TJP1: variants seen among roughly 807,000 people sequenced by gnomAD.
The protein encoded by TJP1 is tight junction protein 1.
In TJP1, 43 loss-of-function variants were observed where a neutral mutation model predicts 194.2. That is an observed-to-expected ratio of 0.22 (90% CI 0.17 to 0.29). The LOEUF (loss-of-function observed/expected upper bound fraction) is 0.29. Ranked by LOEUF, TJP1 falls within the 10% of genes least tolerant of loss-of-function variation. TJP1 has a pLI of 1.00. For missense variants in TJP1, 1,971 were observed against 2,185.7 expected (o/e 0.90, Z 1.96); for synonymous variants, 801 against 779.0 (o/e 1.03, Z -0.47).
In TJP1 at chr15:29,701,589, CAA is replaced by C; in HGVS notation, c.*4_*5del. 10 of 1,607,090 alleles carry C rather than the reference CAA, an allele frequency of 6.2e-6. No individual in the cohort carries two copies. The highest frequency in any genetic ancestry group is 5.1e-6 in the Non-Finnish European group (6 of 1,174,012). On this transcript the variant is annotated 3_prime_UTR_variant, in exon 28 of 28. Coordinates refer to ENST00000614355, the MANE Select transcript of TJP1 (RefSeq NM_001330239.4). ...TCACATTATTTAAGTTCCTATATTT[CAA>C]GAGTTAAAAGTGGTCAATAAGGACA...
At chr15:29,869,947 T>G (rs990962126) in intron 2 of TJP1, among the ~76,000 whole-genome samples, 3 of 151,610 alleles carry the variant, frequency 2.0e-5, no homozygotes, top group Non-Finnish European at 2.9e-5. Flanking sequence ...GGTGGGATTA[T>G]AAGTGCCCAC....
chr15:29,701,619 AAC>A lies in TJP1; in HGVS notation c.5281_5282del (p.Val1761PhefsTer5). The stretch of plus-strand genomic sequence containing the variant: ...GTTAAAAGTGGTCAATAAGGACAGA[AAC>A]ACAGTTTGCTCCAACGAGATAATTT... The part of the protein sequence containing the change: ...DPNYLVGANC[V>X]SVLIDHF On this transcript the variant is annotated frameshift_variant, in exon 28 of 28. Transcript: ENST00000614355. LOFTEE classifies it high-confidence loss of function. 6.2e-7 allele frequency: 1 copy of A among 1,614,126 alleles called. No homozygotes were observed. Among genetic ancestry groups the A allele is most frequent in the Non-Finnish European group, 8.5e-7 (1 of 1,179,980 alleles).
At chr15:29,893,653 G>C (rs1189877922) in intron 2 of TJP1, among the ~76,000 whole-genome samples, 2 of 152,024 alleles carry the variant, frequency 1.3e-5, no homozygotes, top group East Asian at 3.9e-4. Flanking sequence ...ATAATCACTA[G>C]CATTTTTAAC....
chr15:29,783,937 C>T (rs541291314), intron 2 of TJP1, among the ~76,000 whole-genome samples: 1 of 151,912 alleles, frequency 6.6e-6, no homozygotes, highest in South Asian at 2.1e-4. Context: ...TACACATGTA[C>T]CCTGAACCTA....
chr15:29,866,938 CACTCAGAAAGAT>C (rs781070640), intron 2 of TJP1, among the ~76,000 whole-genome samples: 5 of 152,164 alleles, frequency 3.3e-5, no homozygotes, highest in Non-Finnish European at 5.9e-5. Flanking sequence ...TCACCCTGAG[CACTCAGAAAGAT>C]ACTCAGACTG....
At chr15:29,741,081 T>C in intron 10 of TJP1, 1 of 249,908 alleles carries the variant, frequency 4.0e-6, no homozygotes, top group Non-Finnish European at 7.5e-6. Flanking sequence ...TTTTTTTTTC[T>C]AATTCCTAAT....
chr15:29,819,125 AT>A (rs2050148853), intron 1 of TJP1, among the ~76,000 whole-genome samples: 1 of 152,154 alleles, frequency 6.6e-6, no homozygotes, highest in South Asian at 2.1e-4. Context: ...GTACATACAT[AT>A]TTTTAAGTAG....
intron 11 of TJP1, among the ~76,000 whole-genome samples, chr15:29,735,675 T>C (rs957407519): frequency 4.0e-5 from 6 of 150,266 alleles, no homozygotes; most frequent in African/African-American, 1.5e-4. Flanking sequence ...GGTAAGAAAA[T>C]AGGTCTCTTT....
At chr15:29,759,952 G>T in intron 8 of TJP1, 1 of 437,262 alleles carries the variant, frequency 2.3e-6, no homozygotes, top group East Asian at 3.6e-5. Context: ...TCGAGACAGT[G>T]ATTTCATTTC....
rs749742657 is a variant in TJP1, at chr15:29,968,660, G to C, written c.173+7C>G. 5.0e-4 allele frequency: 519 copies of C among 1,047,338 alleles called. 1 individual carries two copies. Among genetic ancestry groups the C allele is most frequent in the Non-Finnish European group, 5.5e-4 (477 of 860,698 alleles). 64.9% of individuals were successfully genotyped at this position (1,047,338 alleles called of 1,614,324 possible). A position where few individuals can be genotyped will look rare whatever the true frequency, so the allele number is the denominator to read the frequency against. On this transcript the variant is annotated splice_region_variant and intron_variant, in intron 1 of 28. Transcript: ENST00000356107. The stretch of plus-strand genomic sequence containing the variant: ...GCTGGGGCTCCGCGCCCGCGCGGCC[G>C]CCTCACCACAGCTTCCTCTTGAGCG...
At chr15:29,742,154 C>G (rs909841107) in intron 9 of TJP1, among the ~76,000 whole-genome samples, 5 of 151,656 alleles carry the variant, frequency 3.3e-5, no homozygotes, top group African/African-American at 1.2e-4. Context: ...TAGGGAGGAT[C>G]AGGTGGAAAG....
chr15:29,829,417 A>G (rs1392445650), intron 2 of TJP1, among the ~76,000 whole-genome samples: 1 of 152,120 alleles, frequency 6.6e-6, no homozygotes, highest in Non-Finnish European at 1.5e-5. Flanking sequence ...GGAGGCAGAG[A>G]GCATAAATAC....
At chr15:29,794,729 T>C (rs2048297511) in intron 2 of TJP1, among the ~76,000 whole-genome samples, 1 of 152,094 alleles carries the variant, frequency 6.6e-6, no homozygotes, top group African/African-American at 2.4e-5. Context: ...TTGAAAAAAC[T>C]GAAAAGGTAG....
Position 29,911,374 on chromosome 15 carries a change from TAAG to T in TJP1, c.306+44855_306+44857del, listed in dbSNP as rs749296022. On this transcript the variant is annotated intron_variant, in intron 2 of 28. Coordinates refer to the TJP1 transcript ENST00000356107. ...GCAGAAGAAGGAAGAGGCAGGAAAA[TAAG>T]AAGGGGGAATGTACTAGTCTGTCTT... Among the ~76,000 whole-genome samples, 5 of 151,928 alleles carry T rather than the reference TAAG, an allele frequency of 3.3e-5. 1 individual carries two copies. Among genetic ancestry groups the T allele is most frequent in the Non-Finnish European group, 7.4e-5 (5 of 67,982 alleles).
intron 2 of TJP1, among the ~76,000 whole-genome samples, chr15:29,854,733 C>T (rs2152089997): frequency 6.6e-6 from 1 of 152,148 alleles, no homozygotes; most frequent in Non-Finnish European, 1.5e-5. Flanking sequence ...GAGTACAATC[C>T]ACGCACCTGC....
intron 2 of TJP1, among the ~76,000 whole-genome samples, chr15:29,937,992 A>G (rs553311533): frequency 6.6e-6 from 1 of 152,384 alleles, no homozygotes; most frequent in South Asian, 2.1e-4. Flanking sequence ...CAAGAGGAAA[A>G]GAAATTGAAG....
At chr15:29,886,692 C>T (rs1216768987) in intron 2 of TJP1, among the ~76,000 whole-genome samples, 1 of 149,886 alleles carries the variant, frequency 6.7e-6, no homozygotes, top group Non-Finnish European at 1.5e-5. Context: ...GATCAAAACA[C>T]AAACTATAAA....
At chr15:29,935,689 T>C (rs1446436367) in intron 2 of TJP1, among the ~76,000 whole-genome samples, 1 of 152,102 alleles carries the variant, frequency 6.6e-6, no homozygotes, top group African/African-American at 2.4e-5. Flanking sequence ...AGGCCAAGGC[T>C]CTTGTGTTGC....
chr15:29,898,993 A>C (rs2053559981), intron 2 of TJP1, among the ~76,000 whole-genome samples: 1 of 152,244 alleles, frequency 6.6e-6, no homozygotes, highest in Non-Finnish European at 1.5e-5. Flanking sequence ...GTTGAAATGA[A>C]GTATAAACAG....
Sources: gnomAD v4.1 joint callset for allele counts (sites outside exome capture counted in the v4.1 genomes callset) on GRCh38, gnomAD v4.1.1 for gene constraint, MANE v1.5 for transcripts, NCBI Gene and HGNC (gene_info 2026-07-23, HGNC 2026-07-21) for gene names.